The following RGS6 variants were observed in gnomAD, a reference collection of about 807,000 sequenced individuals.
RGS6 encodes regulator of G protein signaling 6.
A neutral mutation model predicts 78.5 loss-of-function variants in RGS6; 30 were observed. That is an observed-to-expected ratio of 0.38 (90% CI 0.29 to 0.52). RGS6 has a LOEUF of 0.52. Ranked by LOEUF, RGS6 falls within the 20% of genes least tolerant of loss-of-function variation. RGS6 has a pLI of 0.85. For missense variants in RGS6, 495 were observed against 609.7 expected (o/e 0.81, Z 1.98); for synonymous variants, 206 against 206.0 (o/e 1.00, Z 0.00).
chr14:72,188,246 CAT>C (rs2097274393), intron 2 of RGS6, among the ~76,000 whole-genome samples: 1 of 152,094 alleles, frequency 6.6e-6, no homozygotes, highest in Non-Finnish European at 1.5e-5. Context: ...AGTAGAAACA[CAT>C]GTTAAACAAA....
In RGS6 at chr14:72,288,787, A is replaced by G. The variant is rs570086616; in HGVS notation, c.85-63308A>G. ...GTCCTCCAGAGAGCTGTCCCCTTGA[A>G]GGAGGTGCGTTGGCATGATCTTGTC... On this transcript the variant is annotated intron_variant, in intron 2 of 17. Transcript: ENST00000553525. Among the ~76,000 whole-genome samples the G allele has an allele frequency of 1.7e-4, 26 of 152,290 alleles. 2 individuals carry two copies. The highest frequency in any genetic ancestry group is 6.8e-3 in the Middle Eastern group (2 of 294).
At chr14:72,486,276 A>T (rs1232608856) in intron 12 of RGS6, among the ~76,000 whole-genome samples, 1 of 152,196 alleles carries the variant, frequency 6.6e-6, no homozygotes, top group African/African-American at 2.4e-5. Context: ...TCCTCATAGC[A>T]GCAGGAGAAT....
intron 2 of RGS6, among the ~76,000 whole-genome samples, chr14:72,332,947 G>A (rs1017295996): frequency 2.6e-5 from 4 of 152,194 alleles, no homozygotes; most frequent in Non-Finnish European, 5.9e-5. Flanking sequence ...CGGGTGCAGC[G>A]AAACCCTCAT....
At chr14:72,590,467 A>T in the RGS6 span, among the ~76,000 whole-genome samples, 3 of 152,356 alleles carry the variant, frequency 2.0e-5, no homozygotes, top group East Asian at 5.8e-4. Flanking sequence ...ACAGAGCAAT[A>T]CAACAACCTA....
the RGS6 span, among the ~76,000 whole-genome samples, chr14:71,887,214 T>C: frequency 6.6e-6 from 1 of 152,236 alleles, no homozygotes; most frequent in African/African-American, 2.4e-5. Context: ...CTGTTATCTT[T>C]GTAAGCTGAG....
At chr14:72,308,514 G>A (rs2067786543) in intron 2 of RGS6, among the ~76,000 whole-genome samples, 1 of 152,174 alleles carries the variant, frequency 6.6e-6, no homozygotes, top group Non-Finnish European at 1.5e-5. Flanking sequence ...AGAGAAGGCA[G>A]GATCTTTGAC....
intron 15 of RGS6, among the ~76,000 whole-genome samples, chr14:72,535,190 A>G (rs1333010139): frequency 6.6e-6 from 1 of 152,190 alleles, no homozygotes; most frequent in African/African-American, 2.4e-5. Context: ...ATCAGGGGTG[A>G]AATTATTTGC....
chr14:72,341,660 A>G (rs2077023347), intron 2 of RGS6, among the ~76,000 whole-genome samples: 2 of 152,222 alleles, frequency 1.3e-5, no homozygotes, highest in African/African-American at 4.8e-5. Context: ...AAGGTGGCAG[A>G]TGCCGAATGA....
chr14:72,036,064 C>A (rs936541763), intron 2 of RGS6, among the ~76,000 whole-genome samples: 1 of 152,088 alleles, frequency 6.6e-6, no homozygotes, highest in African/African-American at 2.4e-5. Context: ...AAGCACTACC[C>A]TGTTACCCAT....
intron 2 of RGS6, among the ~76,000 whole-genome samples, chr14:72,313,732 T>A (rs1471136294): frequency 6.6e-6 from 1 of 152,180 alleles, no homozygotes; most frequent in Admixed American, 6.5e-5. Flanking sequence ...ACAAAGGGGC[T>A]ATGGTGTATG....
intron 2 of RGS6, among the ~76,000 whole-genome samples, chr14:72,188,837 A>G (rs1286744007): frequency 6.6e-6 from 1 of 152,150 alleles, no homozygotes; most frequent in African/African-American, 2.4e-5. Flanking sequence ...TCTGTGATTA[A>G]TTGTAAAAAA....
intron 13 of RGS6, among the ~76,000 whole-genome samples, chr14:72,497,184 A>G (rs2096656638): frequency 6.6e-6 from 1 of 152,166 alleles, no homozygotes; most frequent in Non-Finnish European, 1.5e-5. Flanking sequence ...CAAAACTGTA[A>G]CACATCTTTT....
At chr14:72,016,879 G>GT (rs995568166) in intron 2 of RGS6, among the ~76,000 whole-genome samples, 1 of 152,158 alleles carries the variant, frequency 6.6e-6, no homozygotes, top group African/African-American at 2.4e-5. Flanking sequence ...CAGATAAATC[G>GT]TAAGAATTTG....
Position 72,470,474 on chromosome 14 carries a change from A to G in RGS6, c.536+391A>G, listed in dbSNP as rs1442306092. 3.3e-5 allele frequency among the ~76,000 whole-genome samples: 5 copies of G among 152,278 alleles called. 1 individual carries two copies. In the South Asian group the frequency reaches 1.0e-3, roughly 32 times the overall value. On this transcript the variant is annotated intron_variant, in intron 8 of 17. Coordinates refer to ENST00000553525, the MANE Select transcript of RGS6 (RefSeq NM_001204424.2). ...TGGAGTTTTAGGAAGAACAACAAGT[A>G]GCCCCTGTCTTCTTTTCCCTGACAG...
the RGS6 span, among the ~76,000 whole-genome samples, chr14:72,624,730 G>A: frequency 6.6e-6 from 1 of 151,988 alleles, no homozygotes; most frequent in Non-Finnish European, 1.5e-5. Context: ...ATCTGTGACA[G>A]TTCCTCAGTT....
chr14:72,241,817 A>G (rs2052923855), intron 2 of RGS6, among the ~76,000 whole-genome samples: 1 of 152,226 alleles, frequency 6.6e-6, no homozygotes, highest in Non-Finnish European at 1.5e-5. Context: ...TACATACTGA[A>G]AAATTGCTTT....
chr14:72,477,690 G>A (rs964090739), intron 11 of RGS6, among the ~76,000 whole-genome samples: 6 of 151,712 alleles, frequency 4.0e-5, no homozygotes, highest in Non-Finnish European at 5.9e-5. Flanking sequence ...CCAGCTACTC[G>A]GGAGGCTGAG....
chr14:72,264,581 A>C (rs562867183), intron 2 of RGS6, among the ~76,000 whole-genome samples: 1 of 152,358 alleles, frequency 6.6e-6, no homozygotes, highest in Admixed American at 6.5e-5. Context: ...TCTATTTGTA[A>C]CAACCTTTGT....
chr14:71,943,430 G>A (rs2090976471), intron 1 of RGS6, among the ~76,000 whole-genome samples: 1 of 152,148 alleles, frequency 6.6e-6, no homozygotes, highest in South Asian at 2.1e-4. Flanking sequence ...TGAGAAATAA[G>A]TGTTTCAGGA....
Sources: allele counts gnomAD v4.1 joint callset (sites outside exome capture counted in the v4.1 genomes callset), GRCh38; gene constraint gnomAD v4.1.1; transcripts MANE v1.5; gene names NCBI Gene and HGNC (gene_info 2026-07-23, HGNC 2026-07-21).